SETBP1: variants seen among roughly 807,000 people sequenced by gnomAD.
SETBP1 encodes SET-binding protein.
A neutral mutation model predicts 101.0 loss-of-function variants in SETBP1; 9 were observed. That is an observed-to-expected ratio of 0.09 (90% confidence interval 0.05 to 0.16). The LOEUF is 0.16. Ranked by LOEUF, SETBP1 falls within the 10% of genes least tolerant of loss-of-function variation. The probability of loss-of-function intolerance (pLI) is 1.00; values close to 1 mark genes in which losing one functional copy is unlikely to be tolerated. For synonymous variants in SETBP1, 818 were observed against 788.5 expected, an observed-to-expected ratio of 1.04 and a Z score of -0.63; for missense variants, 1,858 against 2,033.8, an observed-to-expected ratio of 0.91 and a Z score of 1.66.
chr18:44,927,157 A>T (rs2070724015), intron 3 of SETBP1, among the ~76,000 whole-genome samples: 1 of 152,138 alleles, frequency 6.6e-6, no homozygotes, highest in South Asian at 2.1e-4. Context: ...CACAACTAAG[A>T]TTTCATATAT....
At chr18:44,695,772 G>A (rs1010734655) in intron 1 of SETBP1, among the ~76,000 whole-genome samples, 4 of 152,130 alleles carry the variant, frequency 2.6e-5, no homozygotes, top group African/African-American at 9.7e-5. Context: ...TTGTAATAAG[G>A]AGCATGGAGT....
At chr18:44,806,457 T>C (rs1180492722) in intron 2 of SETBP1, among the ~76,000 whole-genome samples, 1 of 152,068 alleles carries the variant, frequency 6.6e-6, no homozygotes, top group Non-Finnish European at 1.5e-5. Context: ...TGTGTGTGTC[T>C]TTCTGCTATC....
At chr18:44,939,362 C>G (rs1469698348) in intron 3 of SETBP1, among the ~76,000 whole-genome samples, 7 of 130,750 alleles carry the variant, frequency 5.4e-5, no homozygotes, top group African/African-American at 1.7e-4. Context: ...ATCTTGGGGT[C>G]TAGCTTCTTT....
intron 2 of SETBP1, among the ~76,000 whole-genome samples, chr18:44,759,336 C>T (rs753169866): frequency 1.3e-5 from 2 of 152,134 alleles, no homozygotes; most frequent in Non-Finnish European, 2.9e-5. Context: ...GTGGCGTCTG[C>T]GAAGCTTTCC....
At chr18:44,931,639 T>A (rs2070836850) in intron 3 of SETBP1, among the ~76,000 whole-genome samples, 1 of 152,214 alleles carries the variant, frequency 6.6e-6, no homozygotes, top group Non-Finnish European at 1.5e-5. Flanking sequence ...TGGGTGCATA[T>A]ATATTTAGGA....
intron 2 of SETBP1, among the ~76,000 whole-genome samples, chr18:44,726,715 G>A (rs763885183): frequency 6.6e-6 from 1 of 152,182 alleles, no homozygotes; most frequent in Non-Finnish European, 1.5e-5. Context: ...AATATGTAAA[G>A]TACACAAAGA....
At chr18:45,034,499 C>G (rs1409769799) in intron 4 of SETBP1, among the ~76,000 whole-genome samples, 1 of 151,930 alleles carries the variant, frequency 6.6e-6, no homozygotes, top group Non-Finnish European at 1.5e-5. Context: ...GTGACTATTT[C>G]TACACAGGCT....
rs185022484 is a variant in SETBP1, at chr18:44,696,646, T to A, written c.-172-4529T>A. Among the ~76,000 whole-genome samples, 27 of 152,326 alleles carry A rather than the reference T, an allele frequency of 1.8e-4. No homozygotes were observed. In the East Asian group the frequency reaches 5.0e-3, roughly 28 times the overall value. On this transcript the variant is annotated intron_variant, in intron 1 of 5. Coordinates refer to ENST00000649279, the MANE Select transcript of SETBP1 (RefSeq NM_015559.3). The stretch of plus-strand genomic sequence containing the variant: ...TAATTCTTTAGGTTCATGCTGTTCA[T>A]TTTGGAGTGTACCCATAGGTCTATG...
intron 5 of SETBP1, among the ~76,000 whole-genome samples, chr18:45,052,485 AT>A (rs2073738495): frequency 6.6e-6 from 1 of 152,104 alleles, no homozygotes. Flanking sequence ...TGTTTCTTTT[AT>A]TTTTTTCTCA....
chr18:44,761,876 G>T (rs1348433597), intron 2 of SETBP1, among the ~76,000 whole-genome samples: 2 of 152,142 alleles, frequency 1.3e-5, no homozygotes, highest in African/African-American at 4.8e-5. Flanking sequence ...TTGTTTATAG[G>T]TTTTTTGATG....
rs79677813 is a variant in SETBP1, at chr18:45,026,589, G to T, written c.4001-11896G>T. ...CCTACCTGATTGCCAAGGATGTAACGTGCATACTTGGTACATTGTACTACT... is the reference window on the plus strand; with the variant it reads ...CCTACCTGATTGCCAAGGATGTAACTTGCATACTTGGTACATTGTACTACT... On this transcript the variant is annotated intron_variant, in intron 4 of 5. Coordinates refer to ENST00000649279, the MANE Select transcript of SETBP1 (RefSeq NM_015559.3). Among the ~76,000 whole-genome samples, 763 of 152,270 alleles carry T rather than the reference G, an allele frequency of 5.0e-3. 17 individuals are homozygous for T. The highest frequency in any genetic ancestry group is 0.033 in the Admixed American group (508 of 15,296).
chr18:44,876,698 G>C (rs947603401), intron 3 of SETBP1: 1 of 1,503,618 alleles, frequency 6.7e-7, no homozygotes, highest in African/African-American at 1.7e-5. Context: ...GCAAAACCCG[G>C]TTCTCTCACT....
chr18:44,681,576 C>T (rs2068761123), intron 1 of SETBP1, among the ~76,000 whole-genome samples: 2 of 141,594 alleles, frequency 1.4e-5, no homozygotes, highest in African/African-American at 5.2e-5. Context: ...CCATCCAGAC[C>T]GCTTACTACA....
chr18:44,772,464 C>A (rs1309989135), intron 2 of SETBP1, among the ~76,000 whole-genome samples: 2 of 152,138 alleles, frequency 1.3e-5, no homozygotes, highest in Non-Finnish European at 2.9e-5. Flanking sequence ...GACTGGGAAC[C>A]GCATCCCTGG....
chr18:44,680,512 ACGTCGCCT>A (rs2068741072), upstream of SETBP1: 1 of 151,938 alleles, frequency 6.6e-6, no homozygotes, highest in South Asian at 2.1e-4. Flanking sequence ...GCAAAAGTTC[ACGTCGCCT>A]TGCTGGGTCT....
chr18:44,931,344 G>A (rs1354792391), intron 3 of SETBP1, among the ~76,000 whole-genome samples: 2 of 152,214 alleles, frequency 1.3e-5, no homozygotes, highest in African/African-American at 4.8e-5. Context: ...TTGCTGAGGA[G>A]TGCTTTACTT....
intron 2 of SETBP1, among the ~76,000 whole-genome samples, chr18:44,782,380 A>C (rs1163485299): frequency 3.3e-5 from 5 of 152,022 alleles, no homozygotes; most frequent in Non-Finnish European, 7.4e-5. Flanking sequence ...TTGGGGAAAA[A>C]TATAGACTTT....
At chr18:45,019,468 A>AT (rs1235370993) in intron 4 of SETBP1, among the ~76,000 whole-genome samples, 1 of 152,172 alleles carries the variant, frequency 6.6e-6, no homozygotes, top group African/African-American at 2.4e-5. Flanking sequence ...TTTGTGAGTA[A>AT]TTTTTTTAAA....
intron 2 of SETBP1, among the ~76,000 whole-genome samples, chr18:44,772,488 C>T (rs79926430): frequency 0.1 from 15,813 of 152,082 alleles, 933 homozygotes; most frequent in East Asian, 0.17. Flanking sequence ...TGCTGGTGCC[C>T]GTCAGGGAGA....
Sources: gnomAD v4.1 joint callset for allele counts (sites outside exome capture counted in the v4.1 genomes callset) on GRCh38, gnomAD v4.1.1 for gene constraint, MANE v1.5 for transcripts, NCBI Gene and HGNC (gene_info 2026-07-23, HGNC 2026-07-21) for gene names.